Variants in COL17A1 observed in about 807,000 individuals in gnomAD.
The protein encoded by COL17A1 is collagen alpha-1(XVII) chain.
In COL17A1, 181 loss-of-function variants were observed where a neutral mutation model predicts 218.4. The observed-to-expected ratio is 0.83, with a 90% CI of 0.73 to 0.94. The LOEUF is 0.94. COL17A1 is among the 40% of genes least tolerant of loss of function. COL17A1 has a pLI of 0.00. For synonymous variants in COL17A1, 721 were observed against 731.0 expected (o/e 0.99, Z 0.22); for missense variants, 1,924 against 1,945.9 (o/e 0.99, Z 0.21).
intron 1 of COL17A1, among the ~76,000 whole-genome samples, chr10:104,085,163 C>T (rs1323557041): frequency 6.6e-6 from 1 of 152,058 alleles, no homozygotes; most frequent in African/African-American, 2.4e-5. Flanking sequence ...TTCAAAGATC[C>T]TACTTTTCTT....
chr10:104,082,672 G>C (rs546559034), intron 1 of COL17A1, among the ~76,000 whole-genome samples: 3 of 152,308 alleles, frequency 2.0e-5, no homozygotes, highest in African/African-American at 7.2e-5. Context: ...TGGCCGGAAG[G>C]GTTCGACTTG....
At chr10:104,042,151 T>C (rs1444118032) in intron 36 of COL17A1, among the ~76,000 whole-genome samples, 1 of 152,122 alleles carries the variant, frequency 6.6e-6, no homozygotes, top group Non-Finnish European at 1.5e-5. Context: ...TTGTCATTGC[T>C]CTCTGGGTCA....
chr10:104,050,613 TG>T lies in COL17A1; in HGVS notation c.2128+7del. 1 of 1,612,978 alleles carries T rather than the reference TG, an allele frequency of 6.2e-7. No homozygotes were observed. Among genetic ancestry groups the T allele is most frequent in the Non-Finnish European group, 8.5e-7 (1 of 1,180,004 alleles). On this transcript the variant is annotated splice_region_variant and intron_variant, in intron 27 of 55. Transcript: ENST00000648076. ...CTGGTAATGACAGAGCAGCAGTGAG[TG>T]GCATACCTTTGGGTCCTGGTGGTCC...
rs56889497 is a variant in COL17A1 at position 104,040,570 on chromosome 10, G to GTGGATGGA, written c.2702-168_2702-161dup. Among the ~76,000 whole-genome samples, 128 of 150,126 alleles carry GTGGATGGA rather than the reference G, an allele frequency of 8.5e-4. 1 individual carries two copies. The highest frequency in any genetic ancestry group is 2.5e-3 in the African/African-American group (102 of 40,622). ...GGTGGGTGGATGAATGGGCGGGTGG[G>GTGGATGGA]TGGATGGATGGATGGATGGATGGAT... On this transcript the variant is annotated intron_variant, in intron 39 of 55. Transcript: ENST00000648076.
intron 6 of COL17A1, among the ~76,000 whole-genome samples, chr10:104,073,724 A>G (rs553656000): frequency 1.3e-5 from 2 of 152,190 alleles, no homozygotes; most frequent in Non-Finnish European, 2.9e-5. Flanking sequence ...ATGGAACAAA[A>G]ACTTAAGGCC....
At chr10:104,041,254 C>T (rs749686105) in intron 38 of COL17A1, 49 bp downstream of exon 38, 23 of 1,599,190 alleles carry the variant, frequency 1.4e-5, no homozygotes, top group Non-Finnish European at 2.0e-5. Flanking sequence ...CATTGCTACC[C>T]ACCTCTCACC....
chr10:104,063,850 G>A (rs2086603713), intron 10 of COL17A1, 32 bp from the exon 11 acceptor site: 2 of 1,613,640 alleles, frequency 1.2e-6, no homozygotes, highest in South Asian at 2.2e-5. Context: ...CTGGTGAGAG[G>A]GACATCTGGC....
At position 104,039,460 on chromosome 10, in the gene COL17A1, G is replaced by A; in HGVS notation, c.2881C>T (p.Pro961Ser). ...CCTCACTGACCTTTGTCACCTTTGG[G>A]TCCCTGGGGGCCAGGTGGGCCTGGT... ...GPPGPPGPQG[P>S]KGDKGDPGVP... The change falls in exon 43 of 56, where the codon CCC (proline) becomes TCC (serine). Residue 961 changes from proline (P) to serine (S), a missense_variant. By Grantham distance (74) the Pro-to-Ser change is moderately conservative. Transcript: ENST00000648076. The A allele has an allele frequency of 6.2e-7, 1 of 1,614,054 alleles. No homozygotes were observed. The highest frequency in any genetic ancestry group is 8.5e-7 in the Non-Finnish European group (1 of 1,180,012).
rs146814184 is a variant in COL17A1, at chr10:104,083,694, G to A, written c.-12+2029C>T. 3.7e-3 allele frequency among the ~76,000 whole-genome samples: 571 copies of A among 152,342 alleles called. 3 individuals carry two copies. The highest frequency in any genetic ancestry group is 6.0e-3 in the Non-Finnish European group (410 of 68,036). ...CAAGGACAAACCACTGTTAGTGACA[G>A]TGAACCATCACGTTAACTGTTTACC... On this transcript the variant is annotated intron_variant, in intron 1 of 55. Transcript: ENST00000648076.
At chr10:104,073,836 G>A (rs563575586) in intron 6 of COL17A1, 3 of 326,848 alleles carry the variant, frequency 9.2e-6, no homozygotes, top group Admixed American at 4.2e-5. Flanking sequence ...TGTTCTACTC[G>A]CTGCTCTGCT....
At chr10:104,064,871 A>G (rs2086613844) in intron 9 of COL17A1, among the ~76,000 whole-genome samples, 1 of 152,152 alleles carries the variant, frequency 6.6e-6, no homozygotes, top group Non-Finnish European at 1.5e-5. Context: ...CTCCTTCTAA[A>G]CCTGGCTCCC....
chr10:104,074,933 C>T (rs2086697447), intron 5 of COL17A1, among the ~76,000 whole-genome samples: 1 of 152,184 alleles, frequency 6.6e-6, no homozygotes, highest in East Asian at 1.9e-4. Context: ...TGCAGATCAC[C>T]AGGAACTCCA....
In COL17A1 at chr10:104,034,606, C is replaced by G. The variant is rs372966192; in HGVS notation, c.3766+15G>C. ...TGCGGGGTGCCTGGTGGGGCATCAC[C>G]GTCGGGGCACCTACTTGTGAGGTAG... On this transcript the variant is annotated intron_variant, in intron 51 of 55. Coordinates refer to ENST00000648076, the MANE Select transcript of COL17A1 (RefSeq NM_000494.4). The G allele has an allele frequency of 1.3e-5, 21 of 1,607,562 alleles. No homozygotes were observed. The highest frequency in any genetic ancestry group is 6.7e-5 in the Admixed American group (4 of 59,298).
chr10:104,035,921 AG>A (rs1564671008), intron 48 of COL17A1, among the ~76,000 whole-genome samples: 16 of 74,608 alleles, frequency 2.1e-4, no homozygotes, highest in South Asian at 4.4e-4. Context: ...AGTGTGTATG[AG>A]TGTGTGTGTA....
chr10:104,040,295 G>C (rs1331554186), intron 40 of COL17A1, 56 bp downstream of exon 40: 19 of 1,259,000 alleles, frequency 1.5e-5, no homozygotes, highest in African/African-American at 1.0e-4. Flanking sequence ...CTGGCAACCA[G>C]CAGGTAAACA....
At chr10:104,038,756 C>T (rs575350131) in intron 44 of COL17A1, among the ~76,000 whole-genome samples, 1 of 152,250 alleles carries the variant, frequency 6.6e-6, no homozygotes, top group South Asian at 2.1e-4. Flanking sequence ...CCGCCCTTTC[C>T]TTCTGCAACC....
Position 104,061,491 on chromosome 10 carries a change from G to A in COL17A1, c.911-18C>T. 4.3e-6 allele frequency: 7 copies of A among 1,610,412 alleles called. No homozygotes were observed. Among genetic ancestry groups the A allele is most frequent in the Non-Finnish European group, 5.9e-6 (7 of 1,178,352 alleles). ...CCCATATGCTGCAAGAAAGGAAGCT[G>A]GGTCAGCATGGGAGGGTGGTTCCAG... On this transcript the variant is annotated intron_variant, in intron 12 of 55. Coordinates refer to ENST00000648076, the MANE Select transcript of COL17A1 (RefSeq NM_000494.4).
At chr10:104,077,296 T>C in intron 4 of COL17A1, 126 bp downstream of exon 4, 2 of 755,382 alleles carry the variant, frequency 2.6e-6, no homozygotes, top group Non-Finnish European at 4.6e-6. Flanking sequence ...TGACAGGTGA[T>C]TGTAATTGTC....
At chr10:104,077,589 C>G (rs756307149) in intron 3 of COL17A1, 63 bp from the exon 4 acceptor site, 87 of 1,375,836 alleles carry the variant, frequency 6.3e-5, no homozygotes, top group Non-Finnish European at 8.6e-5. Flanking sequence ...TCCCCTGGTC[C>G]CCCACCCTGT....
Sources: gnomAD v4.1 joint callset for allele counts (sites outside exome capture counted in the v4.1 genomes callset) on GRCh38, gnomAD v4.1.1 for gene constraint, MANE v1.5 for transcripts, NCBI Gene and HGNC (gene_info 2026-07-23, HGNC 2026-07-21) for gene names.